SLC28A3: variants seen among roughly 807,000 people sequenced by gnomAD.
SLC28A3 encodes concentrative Na(+)-nucleoside cotransporter 3.
Under a neutral mutation model 84.2 loss-of-function variants are expected in SLC28A3, and 68 were observed. The ratio of observed to expected loss-of-function variants is 0.81; its 90% confidence interval spans 0.66 to 0.99. The LOEUF (loss-of-function observed/expected upper bound fraction) is 0.99, where lower values mean the gene tolerates loss of function less well. SLC28A3 is among the 50% of genes least tolerant of loss of function. The pLI is 0.00. For missense variants in SLC28A3, 712 were observed against 841.5 expected (o/e 0.85, Z 1.90); for synonymous variants, 267 against 303.6 (o/e 0.88, Z 1.25).
chr9:84,284,207 G>GAAACA, intron 14 of SLC28A3, among the ~76,000 whole-genome samples: 1 of 152,324 alleles, frequency 6.6e-6, no homozygotes, highest in Admixed American at 6.5e-5. Context: ...TTTTGGCAGG[G>GAAACA]AAACAAACTG....
intron 4 of SLC28A3, among the ~76,000 whole-genome samples, chr9:84,302,890 G>A (rs190927333): frequency 1.7e-4 from 26 of 152,170 alleles, no homozygotes; most frequent in Middle Eastern, 3.4e-3. Context: ...AAAGAGGTAG[G>A]GGCAATTACC....
In SLC28A3 at chr9:84,285,480, G is replaced by T; in HGVS notation, c.1512C>A (p.Ser504Arg). The change falls in exon 14 of 18, where the codon AGC (serine) becomes AGA (arginine). Residue 504 changes from serine to arginine, a missense_variant. By Grantham distance (110) the Ser-to-Arg change is moderately radical. Coordinates refer to ENST00000376238, the MANE Select transcript of SLC28A3 (RefSeq NM_001199633.2). ...AACCTATGAGTCTGGCAACCATAAA[G>T]CTGTCCTGCCATTCCACTCCCATCA... ...SFMMGVEWQD[S>R]FMVARLIGYK... 2 of 1,614,156 alleles carry T rather than the reference G, an allele frequency of 1.2e-6. No homozygotes were observed. The highest frequency in any genetic ancestry group is 1.1e-5 in the South Asian group (1 of 91,084).
chr9:84,363,984 A>G, the SLC28A3 span, among the ~76,000 whole-genome samples: 1 of 152,088 alleles, frequency 6.6e-6, no homozygotes, highest in African/African-American at 2.4e-5. Flanking sequence ...GTGGGTGCAT[A>G]GTAGGTGTAT....
upstream of SLC28A3, among the ~76,000 whole-genome samples, chr9:84,345,513 T>C (rs940486321): frequency 2.0e-5 from 3 of 152,202 alleles, no homozygotes; most frequent in African/African-American, 7.2e-5. Flanking sequence ...GACACTGCTT[T>C]AGGAACTTTT....
rs1307217761 is a variant in SLC28A3, at chr9:84,294,383, A to C, written c.862-108T>G. ...TTTTCTCCCTCTGAAACATCATAAA[A>C]ATATGGGAAACTCCTCTTGAACTTT... On this transcript the variant is annotated intron_variant, in intron 8 of 17. Coordinates refer to ENST00000376238, the MANE Select transcript of SLC28A3 (RefSeq NM_001199633.2). 5.0e-6 allele frequency: 5 copies of C among 997,572 alleles called. No individual in the cohort carries two copies. In the African/African-American group the frequency reaches 8.1e-5, roughly 16 times the overall value. 61.8% of individuals were successfully genotyped at this position (997,572 alleles called of 1,614,324 possible). A position where few individuals can be genotyped will look rare whatever the true frequency, so the allele number is the denominator to read the frequency against.
intron 1 of SLC28A3, among the ~76,000 whole-genome samples, chr9:84,321,445 CATT>C (rs1337980951): frequency 6.6e-6 from 1 of 151,804 alleles, no homozygotes; most frequent in East Asian, 1.9e-4. Flanking sequence ...GATTAAGAAA[CATT>C]ATAGGCGGGG....
At chr9:84,298,852 G>A (rs948913424) in intron 6 of SLC28A3, among the ~76,000 whole-genome samples, 2 of 152,204 alleles carry the variant, frequency 1.3e-5, no homozygotes, top group African/African-American at 4.8e-5. Flanking sequence ...CCCAGGATGT[G>A]CAGCAGGAAT....
At chr9:84,309,459 G>A (rs933031794) in intron 3 of SLC28A3, among the ~76,000 whole-genome samples, 170 bp downstream of exon 3, 6 of 140,772 alleles carry the variant, frequency 4.3e-5, no homozygotes, top group African/African-American at 1.6e-4. Context: ...GGAGGCGGAG[G>A]TTGCAATGAG....
intron 8 of SLC28A3, among the ~76,000 whole-genome samples, chr9:84,296,495 A>G (rs1186440876): frequency 1.3e-5 from 2 of 152,242 alleles, no homozygotes; most frequent in African/African-American, 2.4e-5. Flanking sequence ...CCACAAAAAA[A>G]GAAAGCTGAA....
At chr9:84,342,231 GT>G (rs955504519), upstream of SLC28A3, among the ~76,000 whole-genome samples, 7 of 147,392 alleles carry the variant, frequency 4.7e-5, no homozygotes, top group African/African-American at 9.9e-5. Context: ...GGCAGTTGGT[GT>G]TTTTTTTTTC....
the SLC28A3 span, among the ~76,000 whole-genome samples, chr9:84,360,090 C>T: frequency 6.6e-6 from 1 of 151,620 alleles, no homozygotes; most frequent in Non-Finnish European, 1.5e-5. Context: ...GGGAAGGAAC[C>T]TTGAACCTGT....
upstream of SLC28A3, among the ~76,000 whole-genome samples, chr9:84,343,804 A>G (rs145724428): frequency 6.6e-6 from 1 of 152,332 alleles, no homozygotes; most frequent in East Asian, 1.9e-4. Context: ...CGGCTCAAAG[A>G]CAAAATATCC....
In SLC28A3 at chr9:84,323,504, A is replaced by C. The variant is rs1315779855; in HGVS notation, c.61-10050T>G. On this transcript the variant is annotated intron_variant, in intron 1 of 17. Transcript: ENST00000376238. ...CAGTGGCATGATCTCGGCTCACTGC[A>C]ACTTCCACCTCCTGGGTTCAAGCAA... 2.0e-5 allele frequency among the ~76,000 whole-genome samples: 3 copies of C among 148,840 alleles called. No individual in the cohort carries two copies. In the Admixed American group the frequency reaches 2.0e-4, roughly 10 times the overall value.
intron 1 of SLC28A3, among the ~76,000 whole-genome samples, chr9:84,322,196 T>C (rs1826402886): frequency 6.6e-6 from 1 of 152,200 alleles, no homozygotes; most frequent in Non-Finnish European, 1.5e-5. Flanking sequence ...GAACAGGAAA[T>C]ATGGCTTCAG....
the SLC28A3 span, among the ~76,000 whole-genome samples, chr9:84,355,287 A>T: frequency 6.6e-6 from 1 of 152,148 alleles, no homozygotes; most frequent in East Asian, 1.9e-4. Flanking sequence ...CTGAAAAAAG[A>T]AATAGCCAGG....
intron 1 of SLC28A3, among the ~76,000 whole-genome samples, chr9:84,318,884 GA>G (rs1826265234): frequency 1.3e-5 from 2 of 151,200 alleles, no homozygotes; most frequent in African/African-American, 4.8e-5. Context: ...AAAAAAAAAA[GA>G]AAAAGGAATA....
the SLC28A3 span, among the ~76,000 whole-genome samples, chr9:84,351,891 A>C: frequency 6.6e-6 from 1 of 151,920 alleles, no homozygotes. Context: ...GGAAAAAAAA[A>C]AAACATGTAA....
chr9:84,340,999 G>C (rs1192504743), upstream of SLC28A3, among the ~76,000 whole-genome samples: 8 of 144,864 alleles, frequency 5.5e-5, no homozygotes, highest in African/African-American at 2.0e-4. Context: ...TTTTTGAGAT[G>C]GAGTCTCAAA....
intron 14 of SLC28A3, among the ~76,000 whole-genome samples, chr9:84,284,362 A>G (rs1277091136): frequency 6.6e-6 from 1 of 152,182 alleles, no homozygotes; most frequent in Non-Finnish European, 1.5e-5. Flanking sequence ...GCTGTAAAAT[A>G]TAAATCAGTG....
Sources: allele counts gnomAD v4.1 joint callset (sites outside exome capture counted in the v4.1 genomes callset), GRCh38; gene constraint gnomAD v4.1.1; transcripts MANE v1.5; gene names NCBI Gene and HGNC (gene_info 2026-07-23, HGNC 2026-07-21).